The following CCNH variants were observed in gnomAD, a reference collection of about 807,000 sequenced individuals.
The protein encoded by CCNH is cyclin-H.
A neutral mutation model predicts 41.9 loss-of-function variants in CCNH; 31 were observed. That is an observed-to-expected ratio of 0.74 (90% CI 0.56 to 1.00). The LOEUF (loss-of-function observed/expected upper bound fraction) is 1.00. Ranked by LOEUF, CCNH falls within the 50% of genes least tolerant of loss-of-function variation. The pLI, the probability that CCNH is intolerant of heterozygous loss-of-function variation, is 0.00. For missense variants in CCNH, 362 were observed against 388.4 expected, an observed-to-expected ratio of 0.93 and a Z score of 0.57; for synonymous variants, 138 against 136.1, an observed-to-expected ratio of 1.01 and a Z score of -0.10.
chr5:87,353,652 C>T (rs369122937), intron 9 of CCNH, among the ~76,000 whole-genome samples: 26 of 152,090 alleles, frequency 1.7e-4, no homozygotes, highest in African/African-American at 3.9e-4. Flanking sequence ...TGTAGTTTTA[C>T]GGTGAGAGGA....
chr5:87,326,668 A>G (rs559682938), intron 9 of CCNH, among the ~76,000 whole-genome samples: 1 of 152,146 alleles, frequency 6.6e-6, no homozygotes, highest in Non-Finnish European at 1.5e-5. Flanking sequence ...ACTATCCTTT[A>G]TATTGCCCCC....
chr5:87,316,095 C>CT, downstream of CCNH, among the ~76,000 whole-genome samples: 1 of 152,272 alleles, frequency 6.6e-6, no homozygotes, highest in East Asian at 1.9e-4. Flanking sequence ...TAATGTTTAA[C>CT]TTTTTTGTGC....
At chr5:87,338,536 A>ATATATTTTTTTTTTTTTTTTTTT in intron 9 of CCNH, among the ~76,000 whole-genome samples, 1 of 85,220 alleles carries the variant, frequency 1.2e-5, no homozygotes, top group African/African-American at 4.4e-5. Flanking sequence ...TATATATAAA[A>ATATATTTTTTTTTTTTTTTTTTT]TTTTTTTTTT....
downstream of CCNH, among the ~76,000 whole-genome samples, chr5:87,317,634 CT>C (rs112587674): frequency 0.033 from 4,696 of 143,726 alleles, 120 homozygotes; most frequent in African/African-American, 0.074. Context: ...TTCTCATGCT[CT>C]TTTTTTTTTT....
chr5:87,390,995 A>C (rs992673212), downstream of CCNH: 3 of 1,074,342 alleles, frequency 2.8e-6, no homozygotes, highest in Non-Finnish European at 4.3e-6. Flanking sequence ...TCCACATTCC[A>C]GTGATGTGTG....
At chr5:87,408,224 G>A (rs1268062603) in intron 3 of CCNH, 38 bp from the exon 4 acceptor site, 2 of 1,016,788 alleles carry the variant, frequency 2.0e-6, no homozygotes, top group Middle Eastern at 2.2e-4. Context: ...GCAGGGGGTG[G>A]GTGGGGTGGA....
intron 9 of CCNH, among the ~76,000 whole-genome samples, chr5:87,365,072 T>C (rs1434428785): frequency 1.3e-5 from 2 of 152,118 alleles, no homozygotes; most frequent in East Asian, 3.9e-4. Context: ...TTGGGAACAA[T>C]TTTATTGAGA....
At chr5:87,389,377 T>A (rs750513068), downstream of CCNH, 9 of 1,613,796 alleles carry the variant, frequency 5.6e-6, no homozygotes, top group Admixed American at 1.5e-4. Flanking sequence ...AATGCAATTT[T>A]ACGATTCCCT....
chr5:87,378,832 A>G (rs1252209369), upstream of CCNH, among the ~76,000 whole-genome samples: 1 of 152,196 alleles, frequency 6.6e-6, no homozygotes, highest in Non-Finnish European at 1.5e-5. Context: ...GAAAGCGTGC[A>G]TAAGATAAAT....
At chr5:87,400,670 A>G (rs1763336292) in intron 6 of CCNH, among the ~76,000 whole-genome samples, 1 of 152,240 alleles carries the variant, frequency 6.6e-6, no homozygotes, top group African/African-American at 2.4e-5. Context: ...CACAAAATAT[A>G]TAAAATGTAT....
chr5:87,318,060 G>T (rs1756483896), downstream of CCNH, among the ~76,000 whole-genome samples: 1 of 151,924 alleles, frequency 6.6e-6, no homozygotes, highest in South Asian at 2.1e-4. Flanking sequence ...TAGAGTAATG[G>T]TACTACCATT....
intron 2 of CCNH, among the ~76,000 whole-genome samples, 176 bp downstream of exon 2, chr5:87,411,048 A>T (rs948044559): frequency 6.6e-6 from 1 of 152,200 alleles, no homozygotes; most frequent in Non-Finnish European, 1.5e-5. Context: ...ACTTTTGAAG[A>T]TATGATACAG....
At chr5:87,386,313 C>T (rs747573700) in intron 9 of CCNH, among the ~76,000 whole-genome samples, 26 of 151,958 alleles carry the variant, frequency 1.7e-4, no homozygotes, top group Non-Finnish European at 2.5e-4. Context: ...GATTTTAGTA[C>T]GATGAGCAGT....
chr5:87,401,878 T>A (rs1380396550), intron 5 of CCNH, 106 bp from the exon 6 acceptor site: 8 of 599,430 alleles, frequency 1.3e-5, no homozygotes, highest in African/African-American at 9.5e-5. Context: ...AATTAAAAAA[T>A]TTTTAAATTT....
At chr5:87,323,086 A>C (rs556373348) in intron 9 of CCNH, among the ~76,000 whole-genome samples, 2 of 152,306 alleles carry the variant, frequency 1.3e-5, no homozygotes, top group South Asian at 2.1e-4. Context: ...TAGAGGTTAT[A>C]ATTTGAGCTG....
chr5:87,372,130 G>A, downstream of CCNH: 2 of 1,613,398 alleles, frequency 1.2e-6, no homozygotes, highest in Non-Finnish European at 1.7e-6. Context: ...TTGGATGAAA[G>A]GTCTGCAGGC....
At chr5:87,376,186 C>T, downstream of CCNH, 1 of 619,194 alleles carries the variant, frequency 1.6e-6, no homozygotes, top group Non-Finnish European at 2.8e-6. Flanking sequence ...TCTCAATCAT[C>T]TCTGTACTCT....
rs755166023 is a variant in CCNH at position 87,377,012 on chromosome 5, A to G, written n.169T>C. On this transcript the variant is annotated non_coding_transcript_exon_variant, in exon 1 of 1. Transcript: ENST00000607486. ...AGCTTGAATCGTTGTTGTTATGCAC[A>G]CTAAATGACAGAGAAATAAGCATGG... 5.6e-6 allele frequency: 9 copies of G among 1,613,764 alleles called. No homozygotes were observed. Among genetic ancestry groups the G allele is most frequent in the African/African-American group, 1.3e-5 (1 of 74,936 alleles).
At chr5:87,319,383 C>G (rs1033536606) in intron 9 of CCNH, among the ~76,000 whole-genome samples, 1 of 152,232 alleles carries the variant, frequency 6.6e-6, no homozygotes, top group African/African-American at 2.4e-5. Context: ...GGACTCTGGC[C>G]CTGTAGCGGA....
Sources: gnomAD v4.1 joint callset for allele counts (sites outside exome capture counted in the v4.1 genomes callset) on GRCh38, gnomAD v4.1.1 for gene constraint, MANE v1.5 for transcripts, NCBI Gene and HGNC (gene_info 2026-07-23, HGNC 2026-07-21) for gene names.